Variants in FSTL4 observed in about 807,000 individuals in gnomAD.
FSTL4 encodes the protein follistatin like 4, also known as follistatin-related protein 4.
FSTL4 carries 28 observed loss-of-function variants against 78.2 expected under a neutral mutation model. The observed-to-expected ratio is 0.36, with a 90% confidence interval of 0.27 to 0.49. FSTL4 has a LOEUF of 0.49. Ranked by LOEUF, FSTL4 falls within the 20% of genes least tolerant of loss-of-function variation. The probability of loss-of-function intolerance (pLI) is 0.98; values close to 1 mark genes in which losing one functional copy is unlikely to be tolerated. For synonymous variants in FSTL4, 422 were observed against 440.5 expected (o/e 0.96, Z 0.53); for missense variants, 922 against 1,084.9 (o/e 0.85, Z 2.11).
Position 133,524,686 on chromosome 5 carries a change from C to A in FSTL4, c.160+42500G>T, listed in dbSNP as rs1047285864. On this transcript the variant is annotated intron_variant, in intron 3 of 15. Coordinates refer to ENST00000265342, the MANE Select transcript of FSTL4 (RefSeq NM_015082.2). The stretch of plus-strand genomic sequence containing the variant: ...CCAGAAATGCACCCCCCACCCCGCC[C>A]CTGGGTGGGTTGTACAATACTGCAG... Among the ~76,000 whole-genome samples, 6 of 152,182 alleles carry A rather than the reference C, an allele frequency of 3.9e-5. No individual in the cohort carries two copies. The South Asian group carries it at 1.2e-3, about 32-fold the overall frequency.
chr5:133,303,612 C>T (rs1373322787), intron 6 of FSTL4, among the ~76,000 whole-genome samples: 1 of 152,222 alleles, frequency 6.6e-6, no homozygotes, highest in South Asian at 2.1e-4. Context: ...CACTCCCTAA[C>T]CCCAGGACAC....
At chr5:133,332,216 G>C (rs1754365374) in intron 4 of FSTL4, among the ~76,000 whole-genome samples, 1 of 152,212 alleles carries the variant, frequency 6.6e-6, no homozygotes, top group Non-Finnish European at 1.5e-5. Context: ...CTCACTCCCT[G>C]AACACCGGGA....
At chr5:133,772,251 A>G in the FSTL4 span, among the ~76,000 whole-genome samples, 1 of 152,348 alleles carries the variant, frequency 6.6e-6, no homozygotes, top group African/African-American at 2.4e-5. Flanking sequence ...CATAGATGCC[A>G]TATGTTATTT....
At chr5:133,616,748 A>G (rs1378445215), upstream of FSTL4, among the ~76,000 whole-genome samples, 2 of 152,138 alleles carry the variant, frequency 1.3e-5, no homozygotes, top group African/African-American at 2.4e-5. Flanking sequence ...ATGAATATGC[A>G]GTATTATGAT....
At chr5:133,473,578 A>G (rs1330046328) in intron 3 of FSTL4, among the ~76,000 whole-genome samples, 1 of 152,226 alleles carries the variant, frequency 6.6e-6, no homozygotes, top group African/African-American at 2.4e-5. Context: ...CATTACCTAC[A>G]TATGCTTGAA....
At chr5:133,565,788 T>G (rs1177421699) in intron 3 of FSTL4, among the ~76,000 whole-genome samples, 1 of 152,206 alleles carries the variant, frequency 6.6e-6, no homozygotes, top group East Asian at 1.9e-4. Flanking sequence ...ACAAGGACAG[T>G]AAGATTCCAA....
intron 3 of FSTL4, among the ~76,000 whole-genome samples, chr5:133,476,174 C>T (rs1757922181): frequency 6.6e-6 from 1 of 152,178 alleles, no homozygotes; most frequent in Non-Finnish European, 1.5e-5. Flanking sequence ...AAGAGGCTTG[C>T]TGAACAGCTA....
chr5:133,571,179 G>T (rs562442243), intron 2 of FSTL4, among the ~76,000 whole-genome samples: 55 of 152,166 alleles, frequency 3.6e-4, no homozygotes, highest in African/African-American at 1.3e-3. Context: ...CAAAAATTAG[G>T]CTTTCCAAGA....
intron 4 of FSTL4, among the ~76,000 whole-genome samples, chr5:133,390,111 C>G (rs1755807167): frequency 6.6e-6 from 1 of 152,176 alleles, no homozygotes; most frequent in Non-Finnish European, 1.5e-5. Context: ...CTAAGGAAGA[C>G]AAGAAAAGAG....
chr5:133,602,597 G>C (rs1338037353), intron 2 of FSTL4, among the ~76,000 whole-genome samples: 5 of 152,206 alleles, frequency 3.3e-5, no homozygotes, highest in Admixed American at 3.3e-4. Flanking sequence ...ATGGATATGA[G>C]TGTACTGATA....
At chr5:133,800,842 G>A in the FSTL4 span, among the ~76,000 whole-genome samples, 17 of 152,224 alleles carry the variant, frequency 1.1e-4, no homozygotes, top group African/African-American at 3.4e-4. Context: ...AGTTTTAGAA[G>A]TCACTTTTAA....
chr5:133,739,409 C>A, the FSTL4 span, among the ~76,000 whole-genome samples: 2 of 151,872 alleles, frequency 1.3e-5, no homozygotes, highest in African/African-American at 4.8e-5. Flanking sequence ...TACAAAGGAA[C>A]CCACTGCCAG....
At chr5:133,449,167 G>A (rs574437750) in intron 3 of FSTL4, among the ~76,000 whole-genome samples, 6 of 152,148 alleles carry the variant, frequency 3.9e-5, no homozygotes, top group South Asian at 2.1e-4. Context: ...GTGCCCCTGC[G>A]TCTGTGCACA....
chr5:133,365,123 G>A (rs1755157110), intron 4 of FSTL4, among the ~76,000 whole-genome samples: 1 of 152,052 alleles, frequency 6.6e-6, no homozygotes, highest in African/African-American at 2.4e-5. Context: ...GTGGAACTCT[G>A]TAGTAAATTA....
At position 133,197,264 on chromosome 5, in the gene FSTL4, TAACA is replaced by T. The variant is rs1750171499; in HGVS notation, c.*1827_*1830del. On this transcript the variant is annotated 3_prime_UTR_variant, in exon 16 of 16. Transcript: ENST00000265342. The stretch of plus-strand genomic sequence containing the variant: ...AAAAATGGGAGATTGGGAGTAAACA[TAACA>T]TATCAAGATATTGAGGCAGGAAAAA... 1.3e-4 allele frequency: 3 copies of T among 22,748 alleles called. No homozygotes were observed. Among genetic ancestry groups the T allele is most frequent in the Non-Finnish European group, 2.3e-4 (3 of 13,278 alleles). 1.4% of individuals were successfully genotyped at this position (22,748 alleles called of 1,614,324 possible).
chr5:133,645,735 C>A, the FSTL4 span, among the ~76,000 whole-genome samples: 1 of 152,110 alleles, frequency 6.6e-6, no homozygotes, highest in Non-Finnish European at 1.5e-5. Flanking sequence ...GGAGATTTGA[C>A]AGGCAGCAGA....
chr5:133,413,775 T>C (rs897767808), intron 3 of FSTL4, among the ~76,000 whole-genome samples: 1 of 152,168 alleles, frequency 6.6e-6, no homozygotes, highest in Non-Finnish European at 1.5e-5. Context: ...AAATCCGTCT[T>C]CCAGCTCTTA....
the FSTL4 span, among the ~76,000 whole-genome samples, chr5:133,677,775 G>A: frequency 6.6e-6 from 1 of 152,200 alleles, no homozygotes; most frequent in African/African-American, 2.4e-5. Context: ...TCAAGCAAAG[G>A]ATTAAATAAG....
chr5:133,304,673 C>T (rs1753618141), intron 6 of FSTL4, among the ~76,000 whole-genome samples: 1 of 152,180 alleles, frequency 6.6e-6, no homozygotes, highest in Non-Finnish European at 1.5e-5. Flanking sequence ...AGAAAGTGCC[C>T]GGTCCCACCA....
Sources: gnomAD v4.1 joint callset for allele counts (sites outside exome capture counted in the v4.1 genomes callset) on GRCh38, gnomAD v4.1.1 for gene constraint, MANE v1.5 for transcripts, NCBI Gene and HGNC (gene_info 2026-07-23, HGNC 2026-07-21) for gene names.